GBE1: variants seen among roughly 807,000 people sequenced by gnomAD.
GBE1 encodes 1,4-alpha-glucan branching enzyme 1.
Under a neutral mutation model 88.8 loss-of-function variants are expected in GBE1, and 70 were observed. That is an observed-to-expected ratio of 0.79 (90% CI 0.65 to 0.96). GBE1 has a LOEUF of 0.96. Ranked by LOEUF, GBE1 falls within the 40% of genes least tolerant of loss-of-function variation. GBE1 has a pLI of 0.00. For missense variants in GBE1, 872 were observed against 871.0 expected (o/e 1.00, Z -0.01); for synonymous variants, 284 against 300.1 (o/e 0.95, Z 0.56).
At chr3:81,539,584 A>G (rs1403591963) in intron 12 of GBE1, among the ~76,000 whole-genome samples, 2 of 152,060 alleles carry the variant, frequency 1.3e-5, no homozygotes, top group African/African-American at 4.8e-5. Context: ...CCAATGTATA[A>G]CAGATGATGA....
chr3:81,591,096 G>C lies in GBE1; in HGVS notation c.1177C>G (p.Leu393Val), dbSNP rs981712852. Reference protein sequence around the residue: ...LQVDEDALTYLMLANHLVHTL... With the variant: ...LQVDEDALTYVMLANHLVHTL... ...TGAACCAAATGATTTGCCAACATGA[G>C]GTAAGTCAAGGCATCTTCATCTACT... Residue 393 changes from leucine to valine, a missense_variant, in exon 9 of 16, where the codon CTC (leucine) becomes GTC (valine). By Grantham distance (32) the Leu-to-Val change is conservative (BLOSUM62 1). Transcript: ENST00000429644. 5 of 1,609,078 alleles carry C rather than the reference G, an allele frequency of 3.1e-6. No homozygotes were observed. The highest frequency in any genetic ancestry group is 4.2e-6 in the Non-Finnish European group (5 of 1,177,262).
intron 6 of GBE1, among the ~76,000 whole-genome samples, chr3:81,643,341 AC>A (rs1384028554): frequency 6.6e-6 from 1 of 152,098 alleles, no homozygotes; most frequent in East Asian, 1.9e-4. Flanking sequence ...CCCATTACTT[AC>A]AGGGTGTACA....
chr3:81,577,684 C>A (rs1186309725), intron 12 of GBE1, among the ~76,000 whole-genome samples: 1 of 152,056 alleles, frequency 6.6e-6, no homozygotes, highest in Non-Finnish European at 1.5e-5. Context: ...GGTAAGCCCG[C>A]TTGACAGCAA....
intron 8 of GBE1, among the ~76,000 whole-genome samples, chr3:81,593,370 CAATAATAAT>C (rs6147919): frequency 6.0e-4 from 86 of 144,088 alleles, no homozygotes; most frequent in Non-Finnish European, 8.7e-4. Context: ...GTCTCAAGAA[CAATAATAAT>C]AATAATAATA....
rs149010798 is a variant in GBE1 at position 81,620,540 on chromosome 3, T to G, written c.992+22241A>C. Among the ~76,000 whole-genome samples the G allele has an allele frequency of 4.2e-3, 639 of 152,308 alleles. 6 individuals are homozygous for G. Among genetic ancestry groups the G allele is most frequent in the Middle Eastern group, 0.024 (7 of 294 alleles). ...TAAAGAGCACTTAGTATATATACTT[T>G]TATTTTAGAAAGTATTCTAATAGTT... is the stretch of plus-strand genomic sequence containing the variant. On this transcript the variant is annotated intron_variant, in intron 7 of 15. Transcript: ENST00000429644.
At chr3:81,603,703 C>G (rs1576166324) in intron 7 of GBE1, among the ~76,000 whole-genome samples, 3 of 151,926 alleles carry the variant, frequency 2.0e-5, no homozygotes, top group African/African-American at 7.3e-5. Flanking sequence ...ACCATGTTGG[C>G]CAGGCTGGTA....
intron 14 of GBE1, among the ~76,000 whole-genome samples, chr3:81,531,104 A>G (rs1244759244): frequency 2.0e-5 from 3 of 150,820 alleles, no homozygotes; most frequent in Non-Finnish European, 4.4e-5. Context: ...CATGGCCACC[A>G]CCACCCCAAG....
intron 2 of GBE1, among the ~76,000 whole-genome samples, chr3:81,703,145 T>C (rs927741011): frequency 3.3e-5 from 5 of 152,008 alleles, no homozygotes; most frequent in African/African-American, 7.2e-5. Context: ...TGAAATAGAA[T>C]GCCTTGATTA....
At chr3:81,551,081 T>A (rs1703266473) in intron 12 of GBE1, among the ~76,000 whole-genome samples, 2 of 152,186 alleles carry the variant, frequency 1.3e-5, no homozygotes, top group Admixed American at 1.3e-4. Context: ...CATGTCTTTC[T>A]CCTGCACACT....
chr3:81,513,050 C>G (rs1190543807), intron 14 of GBE1, among the ~76,000 whole-genome samples: 1 of 151,578 alleles, frequency 6.6e-6, no homozygotes, highest in East Asian at 1.9e-4. Flanking sequence ...TTTTGCCTAA[C>G]AGTCATTAAA....
At chr3:81,508,285 AT>A (rs1354288957) in intron 14 of GBE1, among the ~76,000 whole-genome samples, 2 of 152,142 alleles carry the variant, frequency 1.3e-5, no homozygotes, top group African/African-American at 2.4e-5. Context: ...AAACTAAAAA[AT>A]GTCACTGTTT....
intron 7 of GBE1, among the ~76,000 whole-genome samples, chr3:81,614,499 G>C (rs943760877): frequency 2.6e-5 from 4 of 152,168 alleles, no homozygotes; most frequent in Non-Finnish European, 5.9e-5. Context: ...CTCTGTGGGA[G>C]GCCAAGGCGG....
chr3:81,640,413 AT>A (rs1334515626), intron 7 of GBE1, among the ~76,000 whole-genome samples: 2 of 151,944 alleles, frequency 1.3e-5, no homozygotes, highest in Non-Finnish European at 2.9e-5. Flanking sequence ...CGAATATCAA[AT>A]TCCAAGTTCT....
chr3:81,561,338 G>A (rs939651720), intron 12 of GBE1, among the ~76,000 whole-genome samples: 1 of 151,946 alleles, frequency 6.6e-6, no homozygotes, highest in Non-Finnish European at 1.5e-5. Context: ...CCTAAAATAT[G>A]AATATGCAGT....
intron 10 of GBE1, 108 bp downstream of exon 10, chr3:81,585,984 C>A: frequency 1.6e-6 from 1 of 625,504 alleles, no homozygotes; most frequent in Non-Finnish European, 2.7e-6. Flanking sequence ...GAATTTAATA[C>A]TTCAATTATA....
chr3:81,538,149 A>G (rs1254879419), intron 12 of GBE1, among the ~76,000 whole-genome samples: 1 of 152,008 alleles, frequency 6.6e-6, no homozygotes, highest in African/African-American at 2.4e-5. Flanking sequence ...GCAAATTTCT[A>G]ATTAATTTTA....
At chr3:81,615,370 T>C (rs1435249490) in intron 7 of GBE1, among the ~76,000 whole-genome samples, 1 of 152,194 alleles carries the variant, frequency 6.6e-6, no homozygotes, top group Non-Finnish European at 1.5e-5. Context: ...ACAGCCAAGA[T>C]ACAGAACAAT....
chr3:81,625,652 G>A (rs1225838549), intron 7 of GBE1, among the ~76,000 whole-genome samples: 1 of 152,066 alleles, frequency 6.6e-6, no homozygotes, highest in Non-Finnish European at 1.5e-5. Flanking sequence ...ATGTTACCTA[G>A]GGTGGTCTTA....
At chr3:81,592,844 G>A (rs959998357) in intron 8 of GBE1, among the ~76,000 whole-genome samples, 2 of 151,844 alleles carry the variant, frequency 1.3e-5, no homozygotes, top group Admixed American at 1.3e-4. Context: ...CCCCGAAACT[G>A]GAAAATGGAT....
Sources: allele counts gnomAD v4.1 joint callset (sites outside exome capture counted in the v4.1 genomes callset), GRCh38; gene constraint gnomAD v4.1.1; transcripts MANE v1.5; gene names NCBI Gene and HGNC (gene_info 2026-07-23, HGNC 2026-07-21).